The following CCDC3 variants were observed in gnomAD, a reference collection of about 807,000 sequenced individuals.
The protein encoded by CCDC3 is coiled-coil domain containing 3, also known as coiled-coil domain-containing protein 3.
Under a neutral mutation model 21.4 loss-of-function variants are expected in CCDC3, and 24 were observed. That is an observed-to-expected ratio of 1.12 (90% confidence interval 0.81 to 1.58). The LOEUF (loss-of-function observed/expected upper bound fraction) is 1.58. Ranked by LOEUF, CCDC3 falls within the 40% of genes most tolerant of loss-of-function variation. CCDC3 has a pLI of 0.00. For missense variants in CCDC3, 425 were observed against 360.9 expected (o/e 1.18, Z -1.44); for synonymous variants, 186 against 166.0 (o/e 1.12, Z -0.93).
intron 3 of CCDC3, among the ~76,000 whole-genome samples, chr10:13,075,950 A>C (rs759891990): frequency 2.2e-4 from 34 of 152,128 alleles, no homozygotes; most frequent in Non-Finnish European, 4.7e-4. Flanking sequence ...GTAATCCCAG[A>C]TATCCAAAGG....
chr10:12,983,047 G>C (rs1464444188), intron 2 of CCDC3, among the ~76,000 whole-genome samples: 2 of 149,222 alleles, frequency 1.3e-5, no homozygotes, highest in African/African-American at 4.9e-5. Context: ...GGAAGGCGGA[G>C]GTTCCAGTGA....
At chr10:13,048,789 T>A (rs1836565533) in intron 5 of CCDC3, among the ~76,000 whole-genome samples, 1 of 127,162 alleles carries the variant, frequency 7.9e-6, no homozygotes, top group Admixed American at 8.4e-5. Context: ...AAATTAGATG[T>A]AAAGTAAAAA....
intron 3 of CCDC3, among the ~76,000 whole-genome samples, chr10:13,086,261 TGAAAG>T (rs1189413803): frequency 6.6e-6 from 1 of 152,100 alleles, no homozygotes. Context: ...GAATAACAAA[TGAAAG>T]GAAGTGAAAC....
chr10:13,020,735 T>C lies in CCDC3; in HGVS notation c.-1-22223A>G, dbSNP rs527420815. 2.6e-5 allele frequency among the ~76,000 whole-genome samples: 4 copies of C among 152,292 alleles called. No homozygotes were observed. In the South Asian group the frequency reaches 8.3e-4, roughly 32 times the overall value. On this transcript the variant is annotated intron_variant, in intron 5 of 6. Coordinates refer to the CCDC3 transcript ENST00000378839. Reference sequence around the variant, plus strand: ...TCCACTCAATTGAGGAAGATACTTTTAGCTACTAAATAAAATACACAGTGA... The same window carrying C: ...TCCACTCAATTGAGGAAGATACTTTCAGCTACTAAATAAAATACACAGTGA...
chr10:12,911,686 A>G (rs1834273451), intron 2 of CCDC3, among the ~76,000 whole-genome samples: 1 of 152,180 alleles, frequency 6.6e-6, no homozygotes, highest in Non-Finnish European at 1.5e-5. Flanking sequence ...CTTAAAATCT[A>G]TTTTTAACAA....
At chr10:13,024,817 C>G (rs1022649372) in intron 5 of CCDC3, among the ~76,000 whole-genome samples, 2 of 152,058 alleles carry the variant, frequency 1.3e-5, no homozygotes, top group Non-Finnish European at 2.9e-5. Flanking sequence ...CCCATATTAC[C>G]AAGGCAACCG....
At chr10:13,058,137 G>A in intron 4 of CCDC3, 1 of 864,716 alleles carries the variant, frequency 1.2e-6, no homozygotes, top group Non-Finnish European at 2.0e-6. Context: ...TCATAACCAG[G>A]GAATCATTTG....
At chr10:12,985,715 G>C (rs1182671867) in intron 2 of CCDC3, among the ~76,000 whole-genome samples, 2 of 152,176 alleles carry the variant, frequency 1.3e-5, no homozygotes, top group African/African-American at 4.8e-5. Context: ...TAACATTATA[G>C]ATATGGAGAA....
chr10:12,981,433 G>A (rs1835495666), intron 2 of CCDC3, among the ~76,000 whole-genome samples: 1 of 152,052 alleles, frequency 6.6e-6, no homozygotes, highest in South Asian at 2.1e-4. Context: ...TGATCTGCCT[G>A]CCTCGGCCTC....
chr10:13,044,247 C>T (rs2165192), intron 5 of CCDC3, among the ~76,000 whole-genome samples: 23,811 of 152,074 alleles, frequency 0.16, 2,101 homozygotes, highest in Admixed American at 0.23. Context: ...TTATAGATTC[C>T]GGATATTAGG....
At chr10:13,044,021 GT>G (rs56216344) in intron 5 of CCDC3, among the ~76,000 whole-genome samples, 151,375 of 152,258 alleles carry the variant, frequency 0.99, 75,248 homozygotes, top group Middle Eastern at 1. Context: ...AGCATCTGTT[GT>G]TTTTTTGACT....
In CCDC3 at chr10:13,097,872, C is replaced by T. The variant is rs538943854; in HGVS notation, c.-503+653G>A. 3.9e-5 allele frequency among the ~76,000 whole-genome samples: 6 copies of T among 152,300 alleles called. 1 individual carries two copies. The South Asian group carries it at 1.2e-3, about 32-fold the overall frequency. On this transcript the variant is annotated intron_variant, in intron 3 of 6. Transcript: ENST00000378839. The stretch of plus-strand genomic sequence containing the variant: ...TTCTCCTATCAACTATTCGATTTTC[C>T]TTCACAAAACAAATTTAAAAATCAC...
At chr10:12,922,178 C>T (rs1417609450) in intron 2 of CCDC3, among the ~76,000 whole-genome samples, 1 of 152,238 alleles carries the variant, frequency 6.6e-6, no homozygotes, top group Non-Finnish European at 1.5e-5. Flanking sequence ...CACTGACTTC[C>T]ACTTCTCCAG....
chr10:12,915,356 CTT>C (rs1834336357), intron 2 of CCDC3, among the ~76,000 whole-genome samples: 1 of 152,068 alleles, frequency 6.6e-6, no homozygotes, highest in African/African-American at 2.4e-5. Flanking sequence ...CATTAAATGT[CTT>C]GTTTGGGTCA....
chr10:12,917,476 G>A (rs947736258), intron 2 of CCDC3, among the ~76,000 whole-genome samples: 3 of 152,076 alleles, frequency 2.0e-5, no homozygotes, highest in African/African-American at 4.8e-5. Context: ...GATTACAGGC[G>A]TGAGCCACTG....
chr10:12,926,553 G>C (rs1270457739), intron 2 of CCDC3, among the ~76,000 whole-genome samples: 1 of 151,828 alleles, frequency 6.6e-6, no homozygotes, highest in Non-Finnish European at 1.5e-5. Flanking sequence ...TTGTTCTATT[G>C]GGCAGGAAAA....
intron 2 of CCDC3, among the ~76,000 whole-genome samples, chr10:12,950,044 C>G (rs1333708596): frequency 1.3e-5 from 2 of 152,190 alleles, no homozygotes; most frequent in African/African-American, 2.4e-5. Flanking sequence ...CTCCTGTGCT[C>G]ATCTCTGCTG....
At chr10:13,029,609 T>G (rs1248356782) in intron 5 of CCDC3, among the ~76,000 whole-genome samples, 1 of 152,058 alleles carries the variant, frequency 6.6e-6, no homozygotes, top group Non-Finnish European at 1.5e-5. Context: ...ATTAGACGAA[T>G]GGTTAACTAG....
rs1834012194 is a variant in CCDC3, at chr10:12,897,086, C to CA, written c.*1329dup. ...CAGAGGACAGCATCACCAGGCCCTGCAGTGTCTGGGGGGGGTCTCTGGGGG... is the reference window on the plus strand; with the variant it reads ...CAGAGGACAGCATCACCAGGCCCTGCAAGTGTCTGGGGGGGGTCTCTGGGGG... On this transcript the variant is annotated 3_prime_UTR_variant, in exon 3 of 3. Transcript: ENST00000378825. The CA allele has an allele frequency of 6.2e-5, 1 of 16,062 alleles. No homozygotes were observed. The highest frequency in any genetic ancestry group is 2.7e-4 in the Non-Finnish European group (1 of 3,770). The allele number at this position is 16,062 out of a possible 1,614,324, so 1.0% of individuals were successfully genotyped here.
Sources: allele counts gnomAD v4.1 joint callset (sites outside exome capture counted in the v4.1 genomes callset), GRCh38; gene constraint gnomAD v4.1.1; transcripts MANE v1.5; gene names NCBI Gene and HGNC (gene_info 2026-07-23, HGNC 2026-07-21).